ADCY2: variants seen among roughly 807,000 people sequenced by gnomAD.
ADCY2 encodes adenylate cyclase 2.
In ADCY2, 31 loss-of-function variants were observed where a neutral mutation model predicts 125.2. The ratio of observed to expected loss-of-function variants is 0.25; its 90% CI spans 0.19 to 0.33. The LOEUF (loss-of-function observed/expected upper bound fraction) is 0.33, where lower values mean the gene tolerates loss of function less well. Among genes scored for constraint, ADCY2 ranks in the 10% least tolerant of loss-of-function variants. The probability of loss-of-function intolerance (pLI) is 1.00; values close to 1 mark genes in which losing one functional copy is unlikely to be tolerated. For synonymous variants in ADCY2, 512 were observed against 548.4 expected, an observed-to-expected ratio of 0.93 and a Z score of 0.93; for missense variants, 904 against 1,418.2, an observed-to-expected ratio of 0.64 and a Z score of 5.82.
chr5:7,755,810 T>C (rs1443280514), intron 15 of ADCY2, among the ~76,000 whole-genome samples: 3 of 152,202 alleles, frequency 2.0e-5, no homozygotes, highest in Non-Finnish European at 4.4e-5. Context: ...CATACAGCAA[T>C]GCTTAGGGCA....
chr5:7,783,538 T>TA (rs538780693), intron 18 of ADCY2, among the ~76,000 whole-genome samples: 6 of 151,788 alleles, frequency 4.0e-5, no homozygotes, highest in Admixed American at 6.6e-5. Flanking sequence ...GCTGGAAAAA[T>TA]AAAAAAAACA....
Position 7,478,303 on chromosome 5 carries a change from A to G in ADCY2, c.409-42435A>G, listed in dbSNP as rs190637445. On this transcript the variant is annotated intron_variant, in intron 2 of 24. Transcript: ENST00000338316. ...CTGGGTTCTGCTAAAACAAACATGT[A>G]AACTAATGTGGCCATTAACTAGCAT... Among the ~76,000 whole-genome samples, 130 of 152,314 alleles carry G rather than the reference A, an allele frequency of 8.5e-4. 2 individuals are homozygous for G. Among genetic ancestry groups the G allele is most frequent in the Non-Finnish European group, 1.9e-4 (13 of 68,014 alleles).
intron 11 of ADCY2, among the ~76,000 whole-genome samples, chr5:7,713,149 C>G (rs893364559): frequency 2.0e-5 from 3 of 151,982 alleles, no homozygotes; most frequent in Non-Finnish European, 4.4e-5. Flanking sequence ...CCTAAAGAGA[C>G]TCTTCTTAAT....
chr5:7,620,145 G>T lies in ADCY2; in HGVS notation c.571-6022G>T, dbSNP rs570186798. Among the ~76,000 whole-genome samples the T allele has an allele frequency of 1.2e-4, 18 of 152,184 alleles. 1 individual carries two copies. The South Asian group carries it at 3.5e-3, about 30-fold the overall frequency. ...CCCTATCTAATTATAAGACCCTTTA[G>T]CCCTTCAGTCCAAATATATCTGGAA... On this transcript the variant is annotated intron_variant, in intron 3 of 24. Transcript: ENST00000338316.
At chr5:7,716,764 G>A (rs1741605245) in intron 11 of ADCY2, among the ~76,000 whole-genome samples, 2 of 152,210 alleles carry the variant, frequency 1.3e-5, no homozygotes, top group African/African-American at 2.4e-5. Context: ...TTTATCTCAT[G>A]GAGGTAGAGA....
intron 4 of ADCY2, among the ~76,000 whole-genome samples, chr5:7,634,459 G>A (rs1161131150): frequency 6.6e-6 from 1 of 152,098 alleles, no homozygotes; most frequent in Admixed American, 6.6e-5. Flanking sequence ...TACGGATGAT[G>A]GGCCATTTAA....
At chr5:7,639,951 A>T (rs904704719) in intron 4 of ADCY2, among the ~76,000 whole-genome samples, 6 of 152,026 alleles carry the variant, frequency 3.9e-5, no homozygotes, top group Non-Finnish European at 8.8e-5. Context: ...TAGACATGGA[A>T]TTTTTTTGTG....
At chr5:7,532,639 G>A (rs554802986) in intron 3 of ADCY2, among the ~76,000 whole-genome samples, 12 of 152,094 alleles carry the variant, frequency 7.9e-5, no homozygotes, top group Non-Finnish European at 1.6e-4. Context: ...TCTTATTTAG[G>A]GACTCCTTTG....
chr5:7,629,421 A>G (rs1738242297), intron 4 of ADCY2, among the ~76,000 whole-genome samples: 1 of 152,138 alleles, frequency 6.6e-6, no homozygotes, highest in Non-Finnish European at 1.5e-5. Flanking sequence ...ATTTTGTGAT[A>G]TTTTTCAGAT....
At chr5:7,476,506 G>A (rs919239193) in intron 2 of ADCY2, among the ~76,000 whole-genome samples, 4 of 152,200 alleles carry the variant, frequency 2.6e-5, no homozygotes, top group African/African-American at 7.2e-5. Context: ...TGGAACATGT[G>A]TGTGCCCTAA....
intron 4 of ADCY2, among the ~76,000 whole-genome samples, chr5:7,627,599 A>G (rs895917091): frequency 6.6e-6 from 1 of 152,226 alleles, no homozygotes; most frequent in Non-Finnish European, 1.5e-5. Flanking sequence ...TGTTTGGCAT[A>G]TCATGGATCC....
chr5:7,484,099 T>C (rs1742836621), intron 2 of ADCY2, among the ~76,000 whole-genome samples: 1 of 152,204 alleles, frequency 6.6e-6, no homozygotes, highest in Admixed American at 6.5e-5. Flanking sequence ...AATCCATCTG[T>C]CAATTGATGA....
At chr5:7,689,721 A>C (rs1740645809) in intron 4 of ADCY2, among the ~76,000 whole-genome samples, 1 of 152,224 alleles carries the variant, frequency 6.6e-6, no homozygotes, top group Admixed American at 6.5e-5. Flanking sequence ...TTGCCAAAAA[A>C]AGAAAAAGAG....
intron 2 of ADCY2, among the ~76,000 whole-genome samples, chr5:7,468,296 A>G (rs1015623326): frequency 5.3e-5 from 8 of 152,190 alleles, no homozygotes; most frequent in Non-Finnish European, 8.8e-5. Context: ...AATGAGGTGT[A>G]AATATATGAA....
chr5:7,566,765 A>G (rs1204280612), intron 3 of ADCY2, among the ~76,000 whole-genome samples: 1 of 152,104 alleles, frequency 6.6e-6, no homozygotes, highest in East Asian at 1.9e-4. Flanking sequence ...CAAAGAAAAA[A>G]CAGAATTAGT....
intron 3 of ADCY2, among the ~76,000 whole-genome samples, chr5:7,553,338 C>T (rs1735399138): frequency 6.6e-6 from 1 of 152,216 alleles, no homozygotes; most frequent in Non-Finnish European, 1.5e-5. Context: ...CGGAGGAGCG[C>T]AGTTCTGAAG....
chr5:7,764,616 A>G (rs560859326), intron 16 of ADCY2, among the ~76,000 whole-genome samples: 1 of 152,372 alleles, frequency 6.6e-6, no homozygotes, highest in Non-Finnish European at 1.5e-5. Flanking sequence ...AAGTAAACTA[A>G]AAATATGCAG....
chr5:7,768,061 G>A (rs1743447810), intron 17 of ADCY2, among the ~76,000 whole-genome samples: 2 of 152,036 alleles, frequency 1.3e-5, no homozygotes, highest in Admixed American at 6.6e-5. Context: ...GTGGCTTCTG[G>A]TGTTCTTTCC....
intron 7 of ADCY2, among the ~76,000 whole-genome samples, chr5:7,703,367 T>G (rs1247585948): frequency 1.3e-5 from 2 of 152,200 alleles, no homozygotes; most frequent in Admixed American, 1.3e-4. Flanking sequence ...GGTCTAACAT[T>G]TAAGTCTTTA....
Sources: allele counts gnomAD v4.1 joint callset (sites outside exome capture counted in the v4.1 genomes callset), GRCh38; gene constraint gnomAD v4.1.1; transcripts MANE v1.5; gene names NCBI Gene and HGNC (gene_info 2026-07-23, HGNC 2026-07-21).